The following BBS9 variants were observed in gnomAD, a reference collection of about 807,000 sequenced individuals.
BBS9 encodes Bardet-Biedl syndrome 9.
Under a neutral mutation model 117.7 loss-of-function variants are expected in BBS9, and 89 were observed. That is an observed-to-expected ratio of 0.76 (90% CI 0.64 to 0.90). The LOEUF is 0.90. Ranked by LOEUF, BBS9 falls within the 40% of genes least tolerant of loss-of-function variation. BBS9 has a pLI of 0.00. For missense variants in BBS9, 982 were observed against 1,042.2 expected, an observed-to-expected ratio of 0.94 and a Z score of 0.80; for synonymous variants, 379 against 370.9, an observed-to-expected ratio of 1.02 and a Z score of -0.25.
chr7:33,200,733 T>C (rs1461939846), intron 5 of BBS9, among the ~76,000 whole-genome samples: 1 of 152,160 alleles, frequency 6.6e-6, no homozygotes, highest in African/African-American at 2.4e-5. Context: ...TTTAATGATC[T>C]CATTTTGTTC....
Position 33,130,735 on chromosome 7 carries a change from TA to T in BBS9, c.-12+704del, listed in dbSNP as rs150570189. On this transcript the variant is annotated intron_variant, in intron 1 of 22. Transcript: ENST00000242067. ...TTTTTTCATGAATATACGGAAGAAT[TA>T]AAAAAAAAACTAGAAAACCCAGAAG... Among the ~76,000 whole-genome samples the T allele has an allele frequency of 5.8e-3, 857 of 148,928 alleles. 11 individuals carry two copies. The highest frequency in any genetic ancestry group is 0.02 in the African/African-American group (809 of 40,736).
intron 19 of BBS9, among the ~76,000 whole-genome samples, chr7:33,474,279 C>T (rs1019850578): frequency 5.3e-5 from 8 of 152,194 alleles, no homozygotes; most frequent in Non-Finnish European, 1.0e-4. Flanking sequence ...TTTACTTTAA[C>T]ATTTGTATGG....
At chr7:33,569,909 T>C (rs1585299232) in intron 21 of BBS9, among the ~76,000 whole-genome samples, 2 of 152,304 alleles carry the variant, frequency 1.3e-5, no homozygotes, top group East Asian at 3.9e-4. Context: ...ATACTAGTAG[T>C]AGTGAACATA....
chr7:33,614,949 C>T (rs1306437415), intron 21 of BBS9, among the ~76,000 whole-genome samples: 2 of 152,188 alleles, frequency 1.3e-5, no homozygotes, highest in African/African-American at 2.4e-5. Context: ...GCCTAACCAA[C>T]GTGAAAGACG....
intron 5 of BBS9, among the ~76,000 whole-genome samples, chr7:33,198,613 A>T (rs184752498): frequency 9.9e-5 from 15 of 152,114 alleles, no homozygotes; most frequent in African/African-American, 3.1e-4. Flanking sequence ...TTTTGCTTTC[A>T]TTATATATCT....
intron 20 of BBS9, among the ~76,000 whole-genome samples, chr7:33,506,270 G>A (rs759022856): frequency 2.6e-5 from 4 of 152,092 alleles, no homozygotes; most frequent in South Asian, 4.1e-4. Context: ...TGACCACCAC[G>A]GGCCGTTCTG....
At chr7:33,131,235 T>C (rs1548879) in intron 1 of BBS9, among the ~76,000 whole-genome samples, 24,635 of 152,176 alleles carry the variant, frequency 0.16, 2,141 homozygotes, top group South Asian at 0.21. Flanking sequence ...TAGCACTGTT[T>C]CTACTGTTGG....
chr7:33,630,056 A>AT (rs34994605), intron 21 of BBS9, among the ~76,000 whole-genome samples: 23 of 151,546 alleles, frequency 1.5e-4, no homozygotes, highest in South Asian at 2.1e-4. Context: ...TACTATTTAC[A>AT]TTTTTTTTTG....
At chr7:33,379,533 A>G (rs1824554835) in intron 17 of BBS9, among the ~76,000 whole-genome samples, 4 of 152,194 alleles carry the variant, frequency 2.6e-5, no homozygotes, top group Non-Finnish European at 5.9e-5. Context: ...TTTTCTTTGA[A>G]AAATTAGCAC....
At chr7:33,382,844 A>T (rs535836893) in intron 17 of BBS9, among the ~76,000 whole-genome samples, 56 of 152,340 alleles carry the variant, frequency 3.7e-4, no homozygotes, top group African/African-American at 1.3e-3. Flanking sequence ...AGGCAGAAGG[A>T]TATGAACTAT....
intron 5 of BBS9, among the ~76,000 whole-genome samples, chr7:33,183,814 GT>G (rs150750177): frequency 9.9e-5 from 15 of 151,498 alleles, no homozygotes; most frequent in Admixed American, 2.6e-4. Context: ...ACCTCATTCA[GT>G]TTTTTTTTGT....
At position 33,613,014 on chromosome 7, in the gene BBS9, C is replaced by T. The variant is rs578253918; in HGVS notation, c.2522-22163C>T. ...AGTTGTTTTCAGACATTGTCCTGGGCACCAGGGCTCCAAAGAACAATAAAA... is the reference window on the plus strand; with the variant it reads ...AGTTGTTTTCAGACATTGTCCTGGGTACCAGGGCTCCAAAGAACAATAAAA... On this transcript the variant is annotated intron_variant, in intron 21 of 21. Coordinates refer to the BBS9 transcript ENST00000671952. Among the ~76,000 whole-genome samples the T allele has an allele frequency of 1.6e-3, 241 of 152,140 alleles. 1 individual carries two copies. Among genetic ancestry groups the T allele is most frequent in the African/African-American group, 5.4e-3 (226 of 41,516 alleles).
At chr7:33,434,278 T>TAAA (rs36043262) in intron 19 of BBS9, among the ~76,000 whole-genome samples, 1 of 132,680 alleles carries the variant, frequency 7.5e-6, no homozygotes, top group East Asian at 2.1e-4. Flanking sequence ...TCCTGTTTGC[T>TAAA]AAAAAAAAAA....
chr7:33,628,077 A>AT (rs1865725573), intron 21 of BBS9, among the ~76,000 whole-genome samples: 1 of 152,224 alleles, frequency 6.6e-6, no homozygotes, highest in Middle Eastern at 3.2e-3. Context: ...TCACTGGAGA[A>AT]TTTTGTCAAA....
intron 20 of BBS9, among the ~76,000 whole-genome samples, chr7:33,525,262 G>T (rs1849306639): frequency 1.4e-5 from 2 of 145,382 alleles, no homozygotes; most frequent in East Asian, 2.1e-4. Flanking sequence ...TGTCTATTAG[G>T]TCCGCTTGGT....
chr7:33,490,111 T>C (rs2128992400), intron 19 of BBS9, among the ~76,000 whole-genome samples: 1 of 152,308 alleles, frequency 6.6e-6, no homozygotes. Flanking sequence ...TAAAACTAGT[T>C]GTAATCCATA....
At chr7:33,557,364 C>G (rs734531) in intron 21 of BBS9, among the ~76,000 whole-genome samples, 21,898 of 152,074 alleles carry the variant, frequency 0.14, 1,803 homozygotes, top group South Asian at 0.22. Context: ...TATTTAATAT[C>G]TGAATCTAAG....
intron 5 of BBS9, among the ~76,000 whole-genome samples, chr7:33,206,393 T>G (rs1002305457): frequency 3.3e-5 from 5 of 152,232 alleles, no homozygotes; most frequent in African/African-American, 4.8e-5. Context: ...AAAATTTACA[T>G]TATTATGACA....
intron 19 of BBS9, among the ~76,000 whole-genome samples, chr7:33,459,314 G>A (rs570550538): frequency 9.2e-5 from 14 of 152,012 alleles, no homozygotes; most frequent in Middle Eastern, 3.4e-3. Flanking sequence ...GAGACTCCGG[G>A]ACATTTGGCA....
Sources: gnomAD v4.1 joint callset for allele counts (sites outside exome capture counted in the v4.1 genomes callset) on GRCh38, gnomAD v4.1.1 for gene constraint, MANE v1.5 for transcripts, NCBI Gene and HGNC (gene_info 2026-07-23, HGNC 2026-07-21) for gene names.